The following DGKZ variants were observed in gnomAD, a reference collection of about 807,000 sequenced individuals.
DGKZ encodes the protein diacylglycerol kinase zeta, also known as DAG kinase zeta.
Under a neutral mutation model 142.5 loss-of-function variants are expected in DGKZ, and 45 were observed. The ratio of observed to expected loss-of-function variants is 0.32; its 90% CI spans 0.25 to 0.40. DGKZ has a LOEUF of 0.40. Among genes scored for constraint, DGKZ ranks in the 10% least tolerant of loss-of-function variants. DGKZ has a pLI of 1.00. For missense variants in DGKZ, 755 were observed against 1,306.5 expected, an observed-to-expected ratio of 0.58 and a Z score of 6.51; for synonymous variants, 442 against 527.0, an observed-to-expected ratio of 0.84 and a Z score of 2.21.
At chr11:46,373,228 C>A in intron 14 of DGKZ, 127 bp downstream of exon 14, 2 of 1,072,392 alleles carry the variant, frequency 1.9e-6, no homozygotes, top group Non-Finnish European at 2.6e-6. Flanking sequence ...CTTCCTTGTA[C>A]GATGGGAATA....
intron 6 of DGKZ, among the ~76,000 whole-genome samples, chr11:46,370,463 C>T (rs1166810531): frequency 6.6e-6 from 1 of 152,246 alleles, no homozygotes; most frequent in Non-Finnish European, 1.5e-5. Flanking sequence ...TCAGTAAGTG[C>T]AGGCTCTCAA....
chr11:46,375,480 G>A (rs779848751), exon 20 of DGKZ: 13 of 1,585,800 alleles, frequency 8.2e-6, no homozygotes, highest in Admixed American at 1.8e-5. Flanking sequence ...GCAGTGTCGC[G>A]AGGTGGTGCT....
In DGKZ at chr11:46,372,027, G is replaced by C. The variant is rs1301140760; in HGVS notation, c.832-48G>C. 17 of 1,532,532 alleles carry C rather than the reference G, an allele frequency of 1.1e-5. No homozygotes were observed. The highest frequency in any genetic ancestry group is 1.3e-5 in the Non-Finnish European group (15 of 1,123,578). 94.9% of individuals were successfully genotyped at this position (1,532,532 alleles called of 1,614,324 possible). On this transcript the variant is annotated intron_variant, in intron 9 of 30. Transcript: ENST00000527911. The surrounding 1 kb of genome is among the most constrained non-coding windows in gnomAD (Gnocchi z 5.9). ...GGGGGCCTGCTAAGGATGATGGTAG[G>C]GTGTCCTGGACGGGAAGGAGCTTAC...
intron 1 of DGKZ, among the ~76,000 whole-genome samples, chr11:46,356,065 G>A (rs1409748502): frequency 2.0e-5 from 3 of 152,164 alleles, no homozygotes; most frequent in Non-Finnish European, 4.4e-5. Context: ...TATTGAATGA[G>A]GGGTGAGGGG....
In DGKZ at chr11:46,366,357, G is replaced by A. The variant is rs749405155; in HGVS notation, c.162-934G>A. On this transcript the variant is annotated intron_variant, in intron 1 of 30. Transcript: ENST00000527911. The stretch of plus-strand genomic sequence containing the variant: ...GTGGGGCTGCCCACAGGCAAGGCCC[G>A]GCGTCGCTCCCCCGCTGGGCAGGCC... 42 of 1,531,356 alleles carry A rather than the reference G, an allele frequency of 2.7e-5. No homozygotes were observed. The highest frequency in any genetic ancestry group is 1.6e-4 in the South Asian group (13 of 81,410). The allele number at this position is 1,531,356 out of a possible 1,614,324, so 94.9% of individuals were successfully genotyped here.
Position 46,367,678 on chromosome 11 carries a change from C to G in DGKZ, c.297C>G (p.Ile99Met). The G allele has an allele frequency of 6.2e-7, 1 of 1,608,568 alleles. No homozygotes were observed. The highest frequency in any genetic ancestry group is 2.2e-5 in the East Asian group (1 of 44,788). The stretch of plus-strand genomic sequence containing the variant: ...AGTCAGCGACATATGGGGAGCACAT[C>G]TGGTTCGAGACCAACGTGTCCGGGG... Residue 99 changes from isoleucine to methionine, a missense_variant, in exon 3 of 31, where the codon ATC (isoleucine) becomes ATG (methionine). Physicochemically the swap from Ile to Met is conservative, Grantham distance 10. This residue lies in a region of DGKZ where 81 missense variants were observed against 86.5 expected (regional missense o/e 0.94). Coordinates refer to ENST00000527911, the Ensembl canonical transcript of DGKZ. The surrounding 1 kb of genome is among the most constrained non-coding windows in gnomAD (Gnocchi z 4.1).
At chr11:46,356,044 C>T (rs754883895) in intron 1 of DGKZ, among the ~76,000 whole-genome samples, 3 of 152,144 alleles carry the variant, frequency 2.0e-5, no homozygotes, top group Non-Finnish European at 4.4e-5. Flanking sequence ...CCCGCCCGGC[C>T]AGGGTGTTAA....
chr11:46,368,494 C>T (rs1292399064), intron 4 of DGKZ: 7 of 348,612 alleles, frequency 2.0e-5, no homozygotes, highest in Non-Finnish European at 4.0e-5. Flanking sequence ...CAGCTGGGGG[C>T]ATGTCTGGGC....
exon 1 of DGKZ, chr11:46,333,415 G>A (rs1219546674): frequency 2.6e-6 from 4 of 1,517,036 alleles, no homozygotes; most frequent in South Asian, 2.4e-5. Flanking sequence ...GAGGGTTCCC[G>A]GGGCACGGCC....
intron 1 of DGKZ, among the ~76,000 whole-genome samples, chr11:46,355,847 A>G (rs1941959070): frequency 6.6e-6 from 1 of 151,846 alleles, no homozygotes; most frequent in Admixed American, 6.6e-5. Context: ...CTGAGGTTCA[A>G]GCGATTCACC....
chr11:46,379,203 C>A, exon 29 of DGKZ: 1 of 1,612,870 alleles, frequency 6.2e-7, no homozygotes, highest in Non-Finnish European at 8.5e-7. Context: ...CCTTCTCCAG[C>A]CCCCCCAGAG....
chr11:46,347,499 G>C lies in DGKZ; in HGVS notation c.-161G>C. 9.2e-6 allele frequency: 9 copies of C among 982,570 alleles called. No individual in the cohort carries two copies. The highest frequency in any genetic ancestry group is 1.1e-5 in the Non-Finnish European group (9 of 829,106). The allele number at this position is 982,570 out of a possible 1,614,324, so 60.9% of individuals were successfully genotyped here. A position where few individuals can be genotyped will look rare whatever the true frequency, so the allele number is the denominator to read the frequency against. ...GAGCGGCGGCGGCAGCGGCTTCCCGGGCACCTGGGCGTGGGGAGCGGGGGC... is the reference window on the plus strand; with the variant it reads ...GAGCGGCGGCGGCAGCGGCTTCCCGCGCACCTGGGCGTGGGGAGCGGGGGC... On this transcript the variant is annotated 5_prime_UTR_variant, in exon 1 of 31. Coordinates refer to ENST00000527911, the Ensembl canonical transcript of DGKZ. The surrounding 1 kb of genome is among the most constrained non-coding windows in gnomAD (Gnocchi z 6.4).
chr11:46,364,379 G>A (rs1943027166), intron 1 of DGKZ: 2 of 1,289,186 alleles, frequency 1.6e-6, no homozygotes, highest in Non-Finnish European at 1.0e-6. Context: ...CTCAGTAAAT[G>A]TCAGCCGTGA....
At chr11:46,336,113 G>A (rs535282017) in intron 1 of DGKZ, among the ~76,000 whole-genome samples, 26 of 152,348 alleles carry the variant, frequency 1.7e-4, no homozygotes, top group African/African-American at 6.3e-4. Flanking sequence ...AGTGGAAGCG[G>A]AAGCGGGCTG....
intron 19 of DGKZ, 93 bp downstream of exon 19, chr11:46,375,138 T>C: frequency 8.4e-7 from 1 of 1,197,496 alleles, no homozygotes; most frequent in Non-Finnish European, 1.1e-6. Flanking sequence ...GGCGGCCTAG[T>C]TCACCCTCAC....
chr11:46,341,543 T>C (rs1940275295), intron 1 of DGKZ, among the ~76,000 whole-genome samples: 1 of 152,180 alleles, frequency 6.6e-6, no homozygotes, highest in Non-Finnish European at 1.5e-5. Flanking sequence ...AAGATTCAAA[T>C]GGAACTGTCA....
intron 1 of DGKZ, among the ~76,000 whole-genome samples, chr11:46,356,192 C>A (rs1357739438): frequency 6.6e-6 from 1 of 152,138 alleles, no homozygotes; most frequent in East Asian, 1.9e-4. Flanking sequence ...AACAAAGGGG[C>A]CCCTTTGGGA....
At chr11:46,366,487 T>C (rs754125815) in intron 1 of DGKZ, 49 of 1,578,190 alleles carry the variant, frequency 3.1e-5, no homozygotes, top group Non-Finnish European at 3.7e-5. Context: ...GCTCCAGCAC[T>C]GTGCCCCCTT....
At chr11:46,345,194 ATGGCTGCCTCC>A, upstream of DGKZ, 2 of 1,217,090 alleles carry the variant, frequency 1.6e-6, no homozygotes, top group Non-Finnish European at 2.1e-6. This position sits in a 1 kb window ranked among gnomAD's most constrained non-coding sequence, Gnocchi z 4.1. Flanking sequence ...AGCAAGCCCC[ATGGCTGCCTCC>A]TGGCTGCTGG....
Sources: allele counts gnomAD v4.1 joint callset (sites outside exome capture counted in the v4.1 genomes callset), GRCh38; gene constraint gnomAD v4.1.1; regional missense constraint gnomAD v4.1.1; non-coding constraint Gnocchi (gnomAD v3.1); transcripts MANE v1.5; gene names NCBI Gene and HGNC (gene_info 2026-07-23, HGNC 2026-07-21).